Variants in HIKESHI observed in about 807,000 individuals in gnomAD.
HIKESHI encodes the protein protein Hikeshi.
In HIKESHI, 13 loss-of-function variants were observed where a neutral mutation model predicts 25.7. The ratio of observed to expected loss-of-function variants is 0.51; its 90% CI spans 0.33 to 0.80. HIKESHI has a LOEUF of 0.80. Ranked by LOEUF, HIKESHI falls within the 30% of genes least tolerant of loss-of-function variation. The probability of loss-of-function intolerance (pLI) is 0.02; values close to 1 mark genes in which losing one functional copy is unlikely to be tolerated. For missense variants in HIKESHI, 174 were observed against 229.5 expected (o/e 0.76, Z 1.56); for synonymous variants, 76 against 78.7 (o/e 0.97, Z 0.18).
chr11:86,340,395 A>G (rs1180570514), intron 3 of HIKESHI, among the ~76,000 whole-genome samples: 3 of 152,174 alleles, frequency 2.0e-5, no homozygotes, highest in Non-Finnish European at 2.9e-5. Flanking sequence ...CTATTTCTCC[A>G]CATCCTCTCC....
At chr11:86,319,772 G>T (rs975984495) in intron 2 of HIKESHI, among the ~76,000 whole-genome samples, 1 of 152,032 alleles carries the variant, frequency 6.6e-6, no homozygotes, top group African/African-American at 2.4e-5. Context: ...TGGACTTAGA[G>T]GTTTAATCAG....
At chr11:86,316,235 G>T (rs577020547) in intron 2 of HIKESHI, among the ~76,000 whole-genome samples, 2 of 152,214 alleles carry the variant, frequency 1.3e-5, no homozygotes, top group African/African-American at 4.8e-5. Flanking sequence ...AGAAGGCCGG[G>T]TGTGGTGGCT....
intron 2 of HIKESHI, among the ~76,000 whole-genome samples, chr11:86,328,434 GT>G (rs533776972): frequency 0.062 from 8,287 of 132,924 alleles, 267 homozygotes; most frequent in Middle Eastern, 0.12. Flanking sequence ...AATGTTTTTT[GT>G]TTTTTTTTTT....
At position 86,316,771 on chromosome 11, in the gene HIKESHI, C is replaced by CTTTTTTTTTTTTTTTTTTTTTT. The variant is rs71040229; in HGVS notation, c.268+10308_268+10329dup. ...TTATGAGTAATGAATCTGAAACATT[C>CTTTTTTTTTTTTTTTTTTTTTT]TTTTTTTTTTTTTTTTTTTTTTTTT... On this transcript the variant is annotated intron_variant, in intron 2 of 4. Coordinates refer to ENST00000278483, the MANE Select transcript of HIKESHI (RefSeq NM_016401.4). Among the ~76,000 whole-genome samples, 11 of 68,778 alleles carry CTTTTTTTTTTTTTTTTTTTTTT rather than the reference C, an allele frequency of 1.6e-4. 2 individuals are homozygous for CTTTTTTTTTTTTTTTTTTTTTT. Among genetic ancestry groups the CTTTTTTTTTTTTTTTTTTTTTT allele is most frequent in the African/African-American group, 2.5e-4 (4 of 15,896 alleles). The allele number at this position is 68,778 out of a possible 152,430, so 45.1% of individuals were successfully genotyped here. A position where few individuals can be genotyped will look rare whatever the true frequency, so the allele number is the denominator to read the frequency against.
At chr11:86,341,655 T>A (rs557756339) in intron 3 of HIKESHI, among the ~76,000 whole-genome samples, 5 of 152,248 alleles carry the variant, frequency 3.3e-5, no homozygotes, top group African/African-American at 9.6e-5. Context: ...AACTTTTTAA[T>A]TTTTTGTAGA....
chr11:86,314,239 G>A (rs172364), intron 2 of HIKESHI, among the ~76,000 whole-genome samples: 7 of 151,934 alleles, frequency 4.6e-5, no homozygotes, highest in Non-Finnish European at 8.8e-5. Context: ...GCTCTGAGGC[G>A]TCTGTGAAGA....
chr11:86,317,134 T>C (rs1425272768), intron 2 of HIKESHI, among the ~76,000 whole-genome samples: 4 of 152,066 alleles, frequency 2.6e-5, no homozygotes, highest in Admixed American at 2.0e-4. Context: ...AAAGAAAGCT[T>C]GCATAAGTAT....
intron 2 of HIKESHI, among the ~76,000 whole-genome samples, chr11:86,311,381 G>A (rs888191625): frequency 6.6e-6 from 1 of 152,152 alleles, no homozygotes; most frequent in African/African-American, 2.4e-5. Flanking sequence ...ATGGTAGTTT[G>A]TATTTCTGTG....
chr11:86,336,289 G>A (rs1237032451), intron 2 of HIKESHI, among the ~76,000 whole-genome samples: 1 of 152,140 alleles, frequency 6.6e-6, no homozygotes, highest in Non-Finnish European at 1.5e-5. Flanking sequence ...AAAGGCGGGA[G>A]GGCTGGAAAG....
At chr11:86,319,242 A>ATATATATATATATTTTT (rs1383589741) in intron 2 of HIKESHI, among the ~76,000 whole-genome samples, 14 of 94,940 alleles carry the variant, frequency 1.5e-4, no homozygotes, top group African/African-American at 4.6e-4. Context: ...ATATATATAT[A>ATATATATATATATTTTT]TTTTTTTTTT....
chr11:86,307,924 T>C lies in HIKESHI; in HGVS notation c.268+1442T>C, dbSNP rs1483381669. 5.9e-4 allele frequency among the ~76,000 whole-genome samples: 59 copies of C among 100,074 alleles called. 2 individuals are homozygous for C. The highest frequency in any genetic ancestry group is 7.7e-4 in the Non-Finnish European group (43 of 55,964). 65.7% of individuals were successfully genotyped at this position (100,074 alleles called of 152,430 possible). ...TAAAATATATATTATGTGTAATATA[T>C]AATATATAAAATATATATTATGTGT... On this transcript the variant is annotated intron_variant, in intron 2 of 4. Transcript: ENST00000278483.
intron 3 of HIKESHI, among the ~76,000 whole-genome samples, chr11:86,342,723 ATT>A (rs57183083): frequency 6.7e-6 from 1 of 148,868 alleles, no homozygotes; most frequent in Non-Finnish European, 1.5e-5. Flanking sequence ...AATTTGTCCC[ATT>A]TTTTTTTTTT....
At chr11:86,342,761 A>C (rs1319237175) in intron 3 of HIKESHI, among the ~76,000 whole-genome samples, 1 of 148,010 alleles carries the variant, frequency 6.8e-6, no homozygotes, top group Non-Finnish European at 1.5e-5. Flanking sequence ...CATCTTTGTC[A>C]TATATGCTTA....
intron 3 of HIKESHI, among the ~76,000 whole-genome samples, chr11:86,339,654 C>T (rs1181396121): frequency 6.6e-6 from 1 of 152,112 alleles, no homozygotes; most frequent in Non-Finnish European, 1.5e-5. Context: ...ATGTATAGTA[C>T]TATCTGTATC....
chr11:86,314,282 G>A (rs1593821484), intron 2 of HIKESHI, among the ~76,000 whole-genome samples: 2 of 152,114 alleles, frequency 1.3e-5, no homozygotes, highest in African/African-American at 2.4e-5. Flanking sequence ...CCTCACAGAG[G>A]AGGTAGCTGT....
intron 2 of HIKESHI, among the ~76,000 whole-genome samples, chr11:86,324,671 A>T (rs1947230912): frequency 6.6e-6 from 1 of 152,110 alleles, no homozygotes. Context: ...ATAGGTTTAT[A>T]TTTTTCAGCC....
At chr11:86,337,331 G>T in intron 2 of HIKESHI, 48 bp from the exon 3 acceptor site, 1 of 1,549,596 alleles carries the variant, frequency 6.5e-7, no homozygotes, top group South Asian at 1.2e-5. Context: ...GAAATTGTGT[G>T]ACTACAAGTT....
At chr11:86,331,195 A>C (rs557190149) in intron 2 of HIKESHI, among the ~76,000 whole-genome samples, 1 of 152,284 alleles carries the variant, frequency 6.6e-6, no homozygotes, top group African/African-American at 2.4e-5. Flanking sequence ...GATGTTAGAA[A>C]TTACCCAGAT....
Position 86,318,303 on chromosome 11 carries a change from C to CAAAAAAAAAAAAAAAAAAAAAAAA in HIKESHI, c.268+11841_268+11842insAAAAAAAAAAAAAAAAAAAAAAAA, listed in dbSNP as rs71040230. Among the ~76,000 whole-genome samples the CAAAAAAAAAAAAAAAAAAAAAAAA allele has an allele frequency of 1.8e-3, 64 of 35,642 alleles. 5 individuals are homozygous for CAAAAAAAAAAAAAAAAAAAAAAAA. The highest frequency in any genetic ancestry group is 2.5e-3 in the Non-Finnish European group (47 of 19,082). 23.4% of individuals were successfully genotyped at this position (35,642 alleles called of 152,430 possible). ...TGGGCGACAGAGCAAGACTCCGTCT[C>CAAAAAAAAAAAAAAAAAAAAAAAA]AAAAAAAAAAAAAAAAAAAATCCTG... On this transcript the variant is annotated intron_variant, in intron 2 of 4. Transcript: ENST00000278483.
Sources: gnomAD v4.1 joint callset for allele counts (sites outside exome capture counted in the v4.1 genomes callset) on GRCh38, gnomAD v4.1.1 for gene constraint, MANE v1.5 for transcripts, NCBI Gene and HGNC (gene_info 2026-07-23, HGNC 2026-07-21) for gene names.